The following CORO2B variants were observed in gnomAD, a reference collection of about 807,000 sequenced individuals.
The protein encoded by CORO2B is coronin 2B, also known as coronin-2B.
A neutral mutation model predicts 58.8 loss-of-function variants in CORO2B; 26 were observed. The ratio of observed to expected loss-of-function variants is 0.44; its 90% CI spans 0.32 to 0.61. The LOEUF (loss-of-function observed/expected upper bound fraction) is 0.61. CORO2B is among the 20% of genes least tolerant of loss of function. CORO2B has a pLI of 0.04. For synonymous variants in CORO2B, 242 were observed against 253.8 expected, an observed-to-expected ratio of 0.95 and a Z score of 0.44; for missense variants, 460 against 645.1, an observed-to-expected ratio of 0.71 and a Z score of 3.11.
chr15:68,554,845 G>T, the CORO2B span, among the ~76,000 whole-genome samples: 1 of 152,194 alleles, frequency 6.6e-6, no homozygotes, highest in African/African-American at 2.4e-5. Flanking sequence ...GAGGCCCCCA[G>T]GGTGTGGGGC....
the CORO2B span, among the ~76,000 whole-genome samples, chr15:68,532,642 A>G: frequency 2.0e-5 from 3 of 152,200 alleles, no homozygotes; most frequent in Admixed American, 6.5e-5. Context: ...TGATTTTTCT[A>G]CTAGTTTTGA....
chr15:68,527,316 A>C, the CORO2B span, among the ~76,000 whole-genome samples: 1 of 151,794 alleles, frequency 6.6e-6, no homozygotes, highest in Non-Finnish European at 1.5e-5. Flanking sequence ...TTTTCCTATC[A>C]GTTTAACAGT....
intron 11 of CORO2B, among the ~76,000 whole-genome samples, chr15:68,723,907 C>T (rs1476069330): frequency 1.3e-5 from 2 of 151,950 alleles, no homozygotes; most frequent in African/African-American, 4.8e-5. Flanking sequence ...AGACTCTATC[C>T]CTAAAAAATA....
rs150277432 is a variant in CORO2B at position 68,718,708 on chromosome 15, C to G, written c.978C>G (p.Pro326=). The part of the protein sequence containing the change: ...PAPQKGLGVM[P]KHGLDVSACE... ...GTGTGCCTGTTACAGGGGTCATGCCCAAGCACGGGCTGGATGTGTCAGCCT... is the reference window on the plus strand; with the variant it reads ...GTGTGCCTGTTACAGGGGTCATGCCGAAGCACGGGCTGGATGTGTCAGCCT... Residue 326 remains proline (P), a synonymous_variant, in exon 9 of 12, where the codon CCC becomes CCG. Coordinates refer to ENST00000261861, the MANE Select transcript of CORO2B (RefSeq NM_006091.5). The G allele has an allele frequency of 1.2e-5, 20 of 1,613,986 alleles. No individual in the cohort carries two copies. Among genetic ancestry groups the G allele is most frequent in the African/African-American group, 4.0e-5 (3 of 74,926 alleles).
In CORO2B at chr15:68,719,473, C is replaced by T; in HGVS notation, c.1232C>T (p.Ala411Val). 2 of 1,614,076 alleles carry T rather than the reference C, an allele frequency of 1.2e-6. No homozygotes were observed. The highest frequency in any genetic ancestry group is 1.7e-6 in the Non-Finnish European group (2 of 1,179,952). The change falls in exon 11 of 12, where the codon GCT (alanine) becomes GTT (valine). Residue 411 changes from alanine to valine, a missense_variant. Physicochemically the swap from Ala to Val is moderately conservative, Grantham distance 64. This residue lies in a region of CORO2B where 108 missense variants were observed against 102.1 expected (regional missense o/e 1.06). Coordinates refer to ENST00000261861, the MANE Select transcript of CORO2B (RefSeq NM_006091.5). ...YKKSSKMVFK[A>V]PIKEKKSVVV... ...AAGTCCTCAAAAATGGTATTTAAGG[C>T]TCCCATCAAAGAAAAGAAGAGTGTT...
At chr15:68,665,341 C>CT (rs1429120788) in intron 2 of CORO2B, among the ~76,000 whole-genome samples, 2 of 151,970 alleles carry the variant, frequency 1.3e-5, no homozygotes, top group Admixed American at 1.3e-4. Context: ...ACTTAATAGT[C>CT]TTGTTATTCA....
In CORO2B at chr15:68,711,676, G is replaced by C. The variant is rs1423768899; in HGVS notation, c.618G>C (p.Val206=). Reference sequence around the variant, plus strand: ...CGTGCAAGGACAAGAAGCTGCGTGTGATTGAGCCCCGCTCTGGCCGTGTTC... The same window carrying C: ...CGTGCAAGGACAAGAAGCTGCGTGTCATTGAGCCCCGCTCTGGCCGTGTTC... ...TTTCKDKKLR[V]IEPRSGRVLQ... The change falls in exon 5 of 12, where the codon GTG becomes GTC. Residue 206 remains valine (V), a synonymous_variant. Coordinates refer to ENST00000261861, the MANE Select transcript of CORO2B (RefSeq NM_006091.5). 6.2e-7 allele frequency: 1 copy of C among 1,614,102 alleles called. No homozygotes were observed. Among genetic ancestry groups the C allele is most frequent in the East Asian group, 2.2e-5 (1 of 44,880 alleles).
chr15:68,651,186 G>T (rs1901628644), intron 2 of CORO2B, among the ~76,000 whole-genome samples: 1 of 152,186 alleles, frequency 6.6e-6, no homozygotes, highest in Non-Finnish European at 1.5e-5. Context: ...GCAGGGTCCC[G>T]CCTCCAAAGC....
At position 68,579,183 on chromosome 15, in the gene CORO2B, C is replaced by G; in HGVS notation, c.-80C>G. On this transcript the variant is annotated 5_prime_UTR_variant, in exon 1 of 12. Coordinates refer to ENST00000261861, the MANE Select transcript of CORO2B (RefSeq NM_006091.5). ...GGAGCGAGCCGGGAGCTGCCGGACC[C>G]CCTTCCGCCGCCGCCCCGGGCCGCC... 1.0e-6 allele frequency: 1 copy of G among 987,728 alleles called. No homozygotes were observed. The highest frequency in any genetic ancestry group is 1.2e-6 in the Non-Finnish European group (1 of 833,894). The allele number at this position is 987,728 out of a possible 1,614,324, so 61.2% of individuals were successfully genotyped here. A position where few individuals can be genotyped will look rare whatever the true frequency, so the allele number is the denominator to read the frequency against.
chr15:68,654,890 C>T lies in CORO2B; in HGVS notation c.216+9530C>T, dbSNP rs532430815. Among the ~76,000 whole-genome samples the T allele has an allele frequency of 1.2e-4, 19 of 152,332 alleles. No homozygotes were observed. The South Asian group carries it at 3.5e-3, about 28-fold the overall frequency. On this transcript the variant is annotated intron_variant, in intron 2 of 11. Transcript: ENST00000261861. ...GCCTTCCTGCTACTGTTGTCTGGCA[C>T]AGTCCCTGAGTATGCCTAGCAGTGA... is the stretch of plus-strand genomic sequence containing the variant.
chr15:68,614,802 G>A (rs925964354), intron 1 of CORO2B, among the ~76,000 whole-genome samples: 2 of 152,334 alleles, frequency 1.3e-5, no homozygotes, highest in East Asian at 1.9e-4. Context: ...TGACTGGAGC[G>A]CTTTGTGTCC....
intron 1 of CORO2B, among the ~76,000 whole-genome samples, chr15:68,606,334 C>T (rs930225544): frequency 2.6e-5 from 4 of 152,064 alleles, no homozygotes; most frequent in African/African-American, 9.7e-5. Context: ...CCTGGAGATC[C>T]CTCCAGGCCA....
chr15:68,711,026 C>A, intron 4 of CORO2B, 145 bp downstream of exon 4: 1 of 961,982 alleles, frequency 1.0e-6, no homozygotes, highest in Non-Finnish European at 1.5e-6. Flanking sequence ...CATTCATTCG[C>A]TACACGCAAC....
chr15:68,642,750 G>T (rs1327001052), intron 1 of CORO2B, among the ~76,000 whole-genome samples: 1 of 152,192 alleles, frequency 6.6e-6, no homozygotes, highest in African/African-American at 2.4e-5. Flanking sequence ...GAGAGGCGCC[G>T]GCTGTCTGCG....
chr15:68,643,407 C>A (rs1052223753), intron 1 of CORO2B, among the ~76,000 whole-genome samples: 16 of 152,216 alleles, frequency 1.1e-4, no homozygotes, highest in African/African-American at 3.9e-4. Context: ...ACCCACCAGC[C>A]TCCCATCCAG....
Position 68,639,648 on chromosome 15 carries a change from G to A in CORO2B, c.16-5512G>A, listed in dbSNP as rs117422192. ...CTAATTCCATTCACTGTTCCACATC[G>A]TCCTTAATCGGAGGTCATCCACCTA... On this transcript the variant is annotated intron_variant, in intron 1 of 11. Coordinates refer to ENST00000261861, the MANE Select transcript of CORO2B (RefSeq NM_006091.5). Among the ~76,000 whole-genome samples the A allele has an allele frequency of 9.6e-3, 1,455 of 152,258 alleles. 12 individuals are homozygous for A. Among genetic ancestry groups the A allele is most frequent in the Non-Finnish European group, 0.015 (1,011 of 68,018 alleles).
intron 11 of CORO2B, among the ~76,000 whole-genome samples, chr15:68,723,221 A>G (rs1893208749): frequency 6.7e-6 from 1 of 149,496 alleles, no homozygotes; most frequent in Admixed American, 6.7e-5. Context: ...TCCCGGGTTC[A>G]AGCAATTCTC....
Position 68,637,122 on chromosome 15 carries a change from A to G in CORO2B, c.16-8038A>G, listed in dbSNP as rs115671014. On this transcript the variant is annotated intron_variant, in intron 1 of 11. Transcript: ENST00000261861. The stretch of plus-strand genomic sequence containing the variant: ...TACATGCCTTCACGACACACTCCTC[A>G]CATGATTCTGATGCATAACCAAGTT... Among the ~76,000 whole-genome samples the G allele has an allele frequency of 2.2e-3, 338 of 152,322 alleles. 3 individuals carry two copies. The highest frequency in any genetic ancestry group is 7.9e-3 in the African/African-American group (329 of 41,564).
chr15:68,617,874 G>A (rs973794906), intron 1 of CORO2B, among the ~76,000 whole-genome samples: 1 of 152,074 alleles, frequency 6.6e-6, no homozygotes, highest in African/African-American at 2.4e-5. Flanking sequence ...TGAATGTGGG[G>A]GTTTGCATTT....
Sources: allele counts gnomAD v4.1 joint callset (sites outside exome capture counted in the v4.1 genomes callset), GRCh38; gene constraint gnomAD v4.1.1; regional missense constraint gnomAD v4.1.1; transcripts MANE v1.5; gene names NCBI Gene and HGNC (gene_info 2026-07-23, HGNC 2026-07-21).